The following CDYL2 variants were observed in gnomAD, a reference collection of about 807,000 sequenced individuals.
The protein encoded by CDYL2 is chromodomain Y-like protein 2.
Under a neutral mutation model 49.4 loss-of-function variants are expected in CDYL2, and 23 were observed. That is an observed-to-expected ratio of 0.47 (90% CI 0.34 to 0.66). CDYL2 has a LOEUF of 0.66. CDYL2 is among the 30% of genes least tolerant of loss of function. The probability of loss-of-function intolerance (pLI) is 0.01; values close to 1 mark genes in which losing one functional copy is unlikely to be tolerated. For synonymous variants in CDYL2, 360 were observed against 268.8 expected (o/e 1.34, Z -3.32); for missense variants, 678 against 656.4 (o/e 1.03, Z -0.36).
intron 2 of CDYL2, among the ~76,000 whole-genome samples, chr16:80,655,278 C>A (rs566597017): frequency 6.6e-6 from 1 of 152,324 alleles, no homozygotes; most frequent in African/African-American, 2.4e-5. Flanking sequence ...TGGAGCCAGC[C>A]ATCTCCTCAT....
intron 1 of CDYL2, among the ~76,000 whole-genome samples, chr16:80,739,454 G>C (rs1426753687): frequency 6.6e-6 from 1 of 152,198 alleles, no homozygotes; most frequent in Non-Finnish European, 1.5e-5. Context: ...ATAGAATGGG[G>C]AGATGCAAGA....
intron 2 of CDYL2, among the ~76,000 whole-genome samples, chr16:80,635,364 C>CA (rs1907771798): frequency 6.6e-6 from 1 of 152,182 alleles, no homozygotes; most frequent in Non-Finnish European, 1.5e-5. Flanking sequence ...ACAACTTCAG[C>CA]AAAGTCTCAG....
At chr16:80,608,361 C>T in intron 5 of CDYL2, 126 bp from the exon 6 acceptor site, 1 of 1,070,870 alleles carries the variant, frequency 9.3e-7, no homozygotes, top group South Asian at 1.7e-5. Flanking sequence ...AGATCCTTAT[C>T]TTATTTTGGG....
intron 2 of CDYL2, among the ~76,000 whole-genome samples, chr16:80,678,575 C>G (rs1405428620): frequency 1.3e-5 from 2 of 151,316 alleles, no homozygotes; most frequent in African/African-American, 4.9e-5. Context: ...CCATCTCACA[C>G]CAGTTAGAAT....
At chr16:80,776,667 A>G (rs1907093935) in intron 1 of CDYL2, among the ~76,000 whole-genome samples, 1 of 151,142 alleles carries the variant, frequency 6.6e-6, no homozygotes, top group Non-Finnish European at 1.5e-5. Context: ...TCTTATAATG[A>G]TATTAACATG....
intron 1 of CDYL2, among the ~76,000 whole-genome samples, chr16:80,738,904 A>G (rs1374100653): frequency 6.6e-6 from 1 of 152,216 alleles, no homozygotes; most frequent in Non-Finnish European, 1.5e-5. Context: ...ATTCATAGGA[A>G]CAACTTTGTA....
At chr16:80,783,063 A>T (rs989559550) in intron 1 of CDYL2, among the ~76,000 whole-genome samples, 3 of 152,150 alleles carry the variant, frequency 2.0e-5, no homozygotes, top group African/African-American at 7.2e-5. Context: ...TTAAAACTAC[A>T]ATTTGTGTGC....
chr16:80,604,254 G>A lies in CDYL2; in HGVS notation c.*134C>T. 1.0e-6 allele frequency: 1 copy of A among 985,410 alleles called. No homozygotes were observed. The highest frequency in any genetic ancestry group is 1.5e-6 in the Non-Finnish European group (1 of 660,786). 61.0% of individuals were successfully genotyped at this position (985,410 alleles called of 1,614,324 possible). A position where few individuals can be genotyped will look rare whatever the true frequency, so the allele number is the denominator to read the frequency against. ...TCAAACCAAGGAGGAGCAACCAAAG[G>A]ACACGAGGAAATGGACACAACCCTA... is the stretch of plus-strand genomic sequence containing the variant. On this transcript the variant is annotated 3_prime_UTR_variant, in exon 7 of 7. Coordinates refer to ENST00000570137, the MANE Select transcript of CDYL2 (RefSeq NM_152342.4).
At chr16:80,766,270 C>T (rs1597123138) in intron 1 of CDYL2, among the ~76,000 whole-genome samples, 1 of 151,730 alleles carries the variant, frequency 6.6e-6, no homozygotes, top group Non-Finnish European at 1.5e-5. Context: ...CATCTCAATA[C>T]AACTTTTATT....
At chr16:80,663,331 G>T (rs1237045827) in intron 2 of CDYL2, among the ~76,000 whole-genome samples, 3 of 151,774 alleles carry the variant, frequency 2.0e-5, no homozygotes, top group African/African-American at 7.3e-5. Flanking sequence ...CAGTTCTACA[G>T]TTGAGTGGAA....
chr16:80,694,394 G>A (rs1910540211), intron 1 of CDYL2, among the ~76,000 whole-genome samples: 1 of 152,014 alleles, frequency 6.6e-6, no homozygotes, highest in African/African-American at 2.4e-5. Context: ...TTTTGCAGAG[G>A]TACAAAGAAT....
intron 2 of CDYL2, among the ~76,000 whole-genome samples, chr16:80,656,303 C>A (rs755322708): frequency 1.3e-5 from 2 of 152,250 alleles, no homozygotes; most frequent in Non-Finnish European, 1.5e-5. Context: ...CCCAACCCCA[C>A]ACCCAGGCCT....
chr16:80,693,965 T>A (rs538863634), intron 1 of CDYL2, among the ~76,000 whole-genome samples: 4 of 152,298 alleles, frequency 2.6e-5, no homozygotes, highest in South Asian at 4.2e-4. Flanking sequence ...CCCAAGTAAC[T>A]TTAGAAAACT....
At chr16:80,681,843 G>A (rs1909979197) in intron 2 of CDYL2, among the ~76,000 whole-genome samples, 1 of 152,162 alleles carries the variant, frequency 6.6e-6, no homozygotes, top group Non-Finnish European at 1.5e-5. Flanking sequence ...AGTTTCAGAG[G>A]GAAAAGTCCA....
chr16:80,700,163 C>G (rs886739745), intron 1 of CDYL2, among the ~76,000 whole-genome samples: 1 of 152,170 alleles, frequency 6.6e-6, no homozygotes, highest in African/African-American at 2.4e-5. Flanking sequence ...CCAGCCAAAA[C>G]AATTTTTAAA....
chr16:80,803,918 G>C lies in CDYL2; in HGVS notation c.24+232C>G, dbSNP rs981423495. 3.0e-4 allele frequency among the ~76,000 whole-genome samples: 43 copies of C among 144,440 alleles called. 1 individual carries two copies. Among genetic ancestry groups the C allele is most frequent in the Non-Finnish European group, 3.1e-5 (2 of 65,218 alleles). 94.8% of individuals were successfully genotyped at this position (144,440 alleles called of 152,430 possible). A position where few individuals can be genotyped will look rare whatever the true frequency, so the allele number is the denominator to read the frequency against. On this transcript the variant is annotated intron_variant, in intron 1 of 6. Transcript: ENST00000570137. The stretch of plus-strand genomic sequence containing the variant: ...ATGGAGTAAGAGAGTGTGTGTGCGA[G>C]AGAAAGAGAAAGAGGGAGCGGGCGC...
At chr16:80,658,692 T>C (rs1908912014) in intron 2 of CDYL2, among the ~76,000 whole-genome samples, 1 of 152,190 alleles carries the variant, frequency 6.6e-6, no homozygotes, top group Non-Finnish European at 1.5e-5. Context: ...ATTTCCTAGC[T>C]CTGTCAGCTG....
intron 1 of CDYL2, among the ~76,000 whole-genome samples, chr16:80,796,050 A>G (rs1008173018): frequency 6.6e-6 from 1 of 152,262 alleles, no homozygotes; most frequent in Non-Finnish European, 1.5e-5. Context: ...CAGAATCACT[A>G]GAATATATAC....
chr16:80,775,662 T>G (rs147026868), intron 1 of CDYL2, among the ~76,000 whole-genome samples: 1 of 151,868 alleles, frequency 6.6e-6, no homozygotes, highest in South Asian at 2.1e-4. Flanking sequence ...ACATATGATG[T>G]CATAAATAAT....
Sources: allele counts gnomAD v4.1 joint callset (sites outside exome capture counted in the v4.1 genomes callset), GRCh38; gene constraint gnomAD v4.1.1; transcripts MANE v1.5; gene names NCBI Gene and HGNC (gene_info 2026-07-23, HGNC 2026-07-21).